The following TAFA1 variants were observed in gnomAD, a reference collection of about 807,000 sequenced individuals.
The protein encoded by TAFA1 is TAFA chemokine like family member 1, also known as chemokine-like protein TAFA-1.
Under a neutral mutation model 18.5 loss-of-function variants are expected in TAFA1, and 4 were observed. The observed-to-expected ratio is 0.22, with a 90% confidence interval of 0.11 to 0.49. TAFA1 has a LOEUF of 0.49. Ranked by LOEUF, TAFA1 falls within the 20% of genes least tolerant of loss-of-function variation. TAFA1 has a pLI of 0.98. For synonymous variants in TAFA1, 56 were observed against 55.2 expected (o/e 1.01, Z -0.06); for missense variants, 147 against 169.0 (o/e 0.87, Z 0.72).
At chr3:68,167,049 A>C (rs2065990836) in intron 2 of TAFA1, among the ~76,000 whole-genome samples, 1 of 152,188 alleles carries the variant, frequency 6.6e-6, no homozygotes, top group South Asian at 2.1e-4. Flanking sequence ...TTTCGTCTTT[A>C]GCACTATTCA....
rs182321419 is a variant in TAFA1, at chr3:68,126,534, C to A, written c.118+119790C>A. On this transcript the variant is annotated intron_variant, in intron 2 of 4. Coordinates refer to ENST00000478136, the MANE Select transcript of TAFA1 (RefSeq NM_213609.4). ...CAAATTTGTTGATTCTCTATCTTTTCAAAAATGTATATATTCCAAACATAT... is the reference window on the plus strand; with the variant it reads ...CAAATTTGTTGATTCTCTATCTTTTAAAAAATGTATATATTCCAAACATAT... 1.4e-4 allele frequency among the ~76,000 whole-genome samples: 22 copies of A among 152,266 alleles called. No individual in the cohort carries two copies. In the East Asian group the frequency reaches 2.3e-3, roughly 16 times the overall value.
chr3:68,394,236 A>C (rs893864306), intron 2 of TAFA1, among the ~76,000 whole-genome samples: 1 of 152,168 alleles, frequency 6.6e-6, no homozygotes, highest in African/African-American at 2.4e-5. Context: ...TAGGAATACA[A>C]CTTACAAGGT....
At chr3:68,092,192 G>A (rs1352965186) in intron 2 of TAFA1, among the ~76,000 whole-genome samples, 5 of 151,962 alleles carry the variant, frequency 3.3e-5, no homozygotes, top group African/African-American at 1.2e-4. Flanking sequence ...CATTTTTATT[G>A]GTCTTTGGCT....
chr3:68,331,091 GAAATATTATTCAATCTTAA>G (rs1018524570), intron 2 of TAFA1, among the ~76,000 whole-genome samples: 3 of 149,934 alleles, frequency 2.0e-5, no homozygotes, highest in African/African-American at 7.4e-5. Context: ...TCCATTCAAT[GAAATATTATTCAATCTTAA>G]AAATATTAAG....
chr3:68,468,400 T>A lies in TAFA1; in HGVS notation c.259+50980T>A, dbSNP rs188640930. On this transcript the variant is annotated intron_variant, in intron 3 of 4. Transcript: ENST00000478136. Reference sequence around the variant, plus strand: ...GTGCCTCTGAGAGTATACAAAACTTTATTTGACAGTATCATCAAAAGATGT... The same window carrying A: ...GTGCCTCTGAGAGTATACAAAACTTAATTTGACAGTATCATCAAAAGATGT... 4.4e-4 allele frequency among the ~76,000 whole-genome samples: 67 copies of A among 152,338 alleles called. No homozygotes were observed. In the South Asian group the frequency reaches 8.9e-3, roughly 20 times the overall value.
At chr3:68,020,664 T>C (rs1437328833) in intron 2 of TAFA1, among the ~76,000 whole-genome samples, 1 of 152,174 alleles carries the variant, frequency 6.6e-6, no homozygotes, top group Non-Finnish European at 1.5e-5. Context: ...GTTTTACAAC[T>C]TGGACTTATT....
intron 2 of TAFA1, among the ~76,000 whole-genome samples, chr3:68,346,567 A>C (rs945889662): frequency 6.6e-6 from 1 of 152,194 alleles, no homozygotes; most frequent in African/African-American, 2.4e-5. Context: ...AGTATTTGGG[A>C]GTGTTCTTTA....
intron 2 of TAFA1, among the ~76,000 whole-genome samples, chr3:68,400,138 C>T (rs926916608): frequency 6.6e-6 from 1 of 152,168 alleles, no homozygotes; most frequent in Non-Finnish European, 1.5e-5. Context: ...CACAATCCCA[C>T]TCCTGGAGCT....
At chr3:68,525,462 A>G (rs1016347931) in intron 3 of TAFA1, among the ~76,000 whole-genome samples, 2 of 152,136 alleles carry the variant, frequency 1.3e-5, no homozygotes, top group African/African-American at 4.8e-5. Context: ...ATTTTTTCTG[A>G]TAGGTAAAGC....
intron 2 of TAFA1, among the ~76,000 whole-genome samples, chr3:68,359,168 C>A (rs776615849): frequency 1.1e-4 from 17 of 151,988 alleles, no homozygotes; most frequent in Non-Finnish European, 1.6e-4. Context: ...TATCATACTG[C>A]AAATACATGA....
chr3:68,118,447 T>G (rs185804082), intron 2 of TAFA1, among the ~76,000 whole-genome samples: 64 of 152,230 alleles, frequency 4.2e-4, no homozygotes, highest in Non-Finnish European at 5.1e-4. Context: ...ATGGCCCGGT[T>G]CCTAACAGGT....
At chr3:68,488,183 C>T (rs1009448304) in intron 3 of TAFA1, among the ~76,000 whole-genome samples, 2 of 152,068 alleles carry the variant, frequency 1.3e-5, no homozygotes, top group African/African-American at 4.8e-5. Context: ...CACAATAGGC[C>T]GTCTGCAAGC....
At chr3:68,428,342 C>T (rs1321817555) in intron 3 of TAFA1, among the ~76,000 whole-genome samples, 1 of 151,818 alleles carries the variant, frequency 6.6e-6, no homozygotes, top group Non-Finnish European at 1.5e-5. Context: ...CACTTTGTTC[C>T]AGCCATTTTA....
At chr3:68,335,410 A>G (rs10510969) in intron 2 of TAFA1, among the ~76,000 whole-genome samples, 1 of 151,898 alleles carries the variant, frequency 6.6e-6, no homozygotes, top group Non-Finnish European at 1.5e-5. Context: ...AATAGCAATG[A>G]ATGAGTTATC....
At chr3:68,268,307 A>G (rs2067587533) in intron 2 of TAFA1, among the ~76,000 whole-genome samples, 1 of 152,092 alleles carries the variant, frequency 6.6e-6, no homozygotes, top group African/African-American at 2.4e-5. Context: ...TTAAAGGAGG[A>G]AAGACATATT....
chr3:68,408,184 A>G (rs2070649062), intron 2 of TAFA1, among the ~76,000 whole-genome samples: 1 of 152,214 alleles, frequency 6.6e-6, no homozygotes, highest in Admixed American at 6.5e-5. Context: ...GTGGAAATGC[A>G]AGGATTCTAA....
At chr3:68,540,368 A>G (rs1048750162) in intron 4 of TAFA1, among the ~76,000 whole-genome samples, 1 of 152,160 alleles carries the variant, frequency 6.6e-6, no homozygotes, top group Non-Finnish European at 1.5e-5. Context: ...CCTACAAAAG[A>G]CATTATTCAG....
intron 3 of TAFA1, among the ~76,000 whole-genome samples, chr3:68,500,739 G>A (rs1269105494): frequency 6.6e-6 from 1 of 151,552 alleles, no homozygotes; most frequent in African/African-American, 2.4e-5. Context: ...CCTACCCTAA[G>A]CAATCACTGT....
At chr3:68,013,806 A>G (rs1024458541) in intron 2 of TAFA1, among the ~76,000 whole-genome samples, 2 of 152,174 alleles carry the variant, frequency 1.3e-5, no homozygotes, top group Non-Finnish European at 2.9e-5. Context: ...CCAACTTCAT[A>G]TAATAAAGGT....
Sources: allele counts gnomAD v4.1 joint callset (sites outside exome capture counted in the v4.1 genomes callset), GRCh38; gene constraint gnomAD v4.1.1; transcripts MANE v1.5; gene names NCBI Gene and HGNC (gene_info 2026-07-23, HGNC 2026-07-21).